BICDL1: variants seen among roughly 807,000 people sequenced by gnomAD.
BICDL1 encodes BICD family like cargo adaptor 1.
In BICDL1, 20 loss-of-function variants were observed where a neutral mutation model predicts 76.8. That is an observed-to-expected ratio of 0.26 (90% CI 0.18 to 0.38). The LOEUF is 0.38. Ranked by LOEUF, BICDL1 falls within the 10% of genes least tolerant of loss-of-function variation. The pLI, the probability that BICDL1 is intolerant of heterozygous loss-of-function variation, is 1.00. For missense variants in BICDL1, 700 were observed against 798.6 expected (o/e 0.88, Z 1.49); for synonymous variants, 383 against 337.1 (o/e 1.14, Z -1.49).
intron 2 of BICDL1, among the ~76,000 whole-genome samples, chr12:120,007,447 G>C (rs1393844559): frequency 6.6e-6 from 1 of 152,110 alleles, no homozygotes; most frequent in East Asian, 1.9e-4. Context: ...AGACAAGAGT[G>C]TCCCCCACCC....
At chr12:120,048,004 C>T (rs1952781733) in intron 2 of BICDL1, among the ~76,000 whole-genome samples, 2 of 152,182 alleles carry the variant, frequency 1.3e-5, no homozygotes, top group South Asian at 4.2e-4. Context: ...AAAAAACAAG[C>T]AAATGACTCC....
intron 2 of BICDL1, among the ~76,000 whole-genome samples, chr12:120,004,101 C>T (rs1951809960): frequency 6.6e-6 from 1 of 152,204 alleles, no homozygotes; most frequent in African/African-American, 2.4e-5. Flanking sequence ...TATATAATTG[C>T]TCACTGTGCA....
At chr12:120,035,422 A>T (rs544152238) in intron 2 of BICDL1, among the ~76,000 whole-genome samples, 3 of 152,224 alleles carry the variant, frequency 2.0e-5, no homozygotes, top group Non-Finnish European at 4.4e-5. Flanking sequence ...ATTTGATCCC[A>T]TGTTAACCCT....
At chr12:120,018,958 T>C (rs1952122339) in intron 2 of BICDL1, 1 of 143,294 alleles carries the variant, frequency 7.0e-6, no homozygotes, top group Admixed American at 7.5e-5. Flanking sequence ...GGCAGGAGAA[T>C]GGCGTGAACC....
chr12:120,001,866 A>G (rs1951766311), intron 2 of BICDL1, among the ~76,000 whole-genome samples: 1 of 152,136 alleles, frequency 6.6e-6, no homozygotes, highest in Admixed American at 6.5e-5. Flanking sequence ...CCTGAACTAT[A>G]CAGTAAGACC....
chr12:120,093,155 A>T lies in BICDL1; in HGVS notation c.1860A>T (p.Lys620Asn). 6.3e-7 allele frequency: 1 copy of T among 1,598,396 alleles called. No individual in the cohort carries two copies. Among genetic ancestry groups the T allele is most frequent in the Non-Finnish European group, 8.5e-7 (1 of 1,172,090 alleles). ...AACGACTCTTCTCATTCTTCAGGAAAATTTAAGTTGGGAGGAGTCAGGCCA... is the reference window on the plus strand; with the variant it reads ...AACGACTCTTCTCATTCTTCAGGAATATTTAAGTTGGGAGGAGTCAGGCCA... ...EGKRLFSFFR[K>N]I The change falls in exon 10 of 10, where the codon AAA becomes AAT. Residue 620 changes from lysine (K) to asparagine (N), a missense_variant. Physicochemically the swap from Lys to Asn is moderately conservative, Grantham distance 94. Coordinates refer to ENST00000548673, the MANE Select transcript of BICDL1 (RefSeq NM_001367886.1).
intron 4 of BICDL1, among the ~76,000 whole-genome samples, chr12:120,065,131 A>G (rs1953192812): frequency 6.6e-6 from 1 of 152,178 alleles, no homozygotes; most frequent in Non-Finnish European, 1.5e-5. Context: ...AGTTTCACAG[A>G]GTTCTCTCTG....
chr12:120,039,958 A>G (rs895244098), intron 2 of BICDL1, among the ~76,000 whole-genome samples: 6 of 152,180 alleles, frequency 3.9e-5, no homozygotes, highest in African/African-American at 1.4e-4. Flanking sequence ...CCAGAACCTT[A>G]TAGTAAGGCA....
At chr12:120,045,732 A>G (rs942183353) in intron 2 of BICDL1, among the ~76,000 whole-genome samples, 1 of 139,156 alleles carries the variant, frequency 7.2e-6, no homozygotes, top group Non-Finnish European at 1.5e-5. Flanking sequence ...GAACACATGG[A>G]CATAGGAAGG....
intron 2 of BICDL1, among the ~76,000 whole-genome samples, chr12:120,007,391 G>A (rs1405969377): frequency 6.6e-6 from 1 of 152,116 alleles, no homozygotes; most frequent in African/African-American, 2.4e-5. Context: ...CTTTCATGAG[G>A]TTGTCACCAA....
intron 2 of BICDL1, among the ~76,000 whole-genome samples, chr12:120,025,315 G>C (rs1002303200): frequency 6.6e-6 from 1 of 152,160 alleles, no homozygotes; most frequent in Non-Finnish European, 1.5e-5. Context: ...CTCCCAAAGT[G>C]CTGGGATTAC....
rs912884172 is a variant in BICDL1, at chr12:120,075,537, C to T, written c.1452+951C>T. Reference sequence around the variant, plus strand: ...CTGCCAAAGTAGCTGGGACTACAGGCGTACGCCACCATGCCCAACTAATTT... The same window carrying T: ...CTGCCAAAGTAGCTGGGACTACAGGTGTACGCCACCATGCCCAACTAATTT... On this transcript the variant is annotated intron_variant, in intron 7 of 9. Coordinates refer to ENST00000548673, the MANE Select transcript of BICDL1 (RefSeq NM_001367886.1). Among the ~76,000 whole-genome samples the T allele has an allele frequency of 2.6e-4, 40 of 152,222 alleles. 1 individual carries two copies. The highest frequency in any genetic ancestry group is 3.4e-3 in the Middle Eastern group (1 of 294).
chr12:120,025,334 A>G lies in BICDL1; in HGVS notation c.645+26598A>G, dbSNP rs138121112. Among the ~76,000 whole-genome samples the G allele has an allele frequency of 7.2e-3, 1,096 of 151,900 alleles. 1 individual carries two copies. Among genetic ancestry groups the G allele is most frequent in the Admixed American group, 8.0e-3 (122 of 15,256 alleles). ...CAAAGTGCTGGGATTACAGGCGTGA[A>G]CCACCGCGCCCGGCCGATATTATAC... On this transcript the variant is annotated intron_variant, in intron 2 of 9. Transcript: ENST00000548673.
rs541846794 is a variant in BICDL1, at chr12:120,087,845, A to T, written c.1584-2106A>T. 3.3e-5 allele frequency among the ~76,000 whole-genome samples: 5 copies of T among 152,320 alleles called. No individual in the cohort carries two copies. In the South Asian group the frequency reaches 8.3e-4, roughly 25 times the overall value. On this transcript the variant is annotated intron_variant, in intron 8 of 9. Transcript: ENST00000548673. ...ATGTGAAAATAAAAAAATGCAAAAT[A>T]ATGTCGGAGGAGTTACCCATCAGTA...
intron 9 of BICDL1, chr12:120,090,631 G>C: frequency 2.8e-6 from 1 of 354,392 alleles, no homozygotes; most frequent in Non-Finnish European, 5.5e-6. Context: ...TTGTTCGTGA[G>C]GTTGAGGTAG....
intron 2 of BICDL1, chr12:120,000,645 C>T (rs1951740707): frequency 6.6e-6 from 1 of 151,978 alleles, no homozygotes; most frequent in Admixed American, 6.6e-5. Flanking sequence ...ATAACATGAG[C>T]TAAAGCAGAC....
chr12:120,086,739 A>C (rs1489087379), intron 8 of BICDL1, among the ~76,000 whole-genome samples: 1 of 152,246 alleles, frequency 6.6e-6, no homozygotes, highest in Non-Finnish European at 1.5e-5. Context: ...AAAACAAGTC[A>C]GTTACTAGTG....
In BICDL1 at chr12:120,013,313, C is replaced by CAAA. The variant is rs202156339; in HGVS notation, c.645+14590_645+14592dup. 7.8e-3 allele frequency among the ~76,000 whole-genome samples: 1,003 copies of CAAA among 128,272 alleles called. 17 individuals carry two copies. The highest frequency in any genetic ancestry group is 0.026 in the African/African-American group (941 of 36,752). 84.2% of individuals were successfully genotyped at this position (128,272 alleles called of 152,430 possible). On this transcript the variant is annotated intron_variant, in intron 2 of 9. Coordinates refer to ENST00000548673, the MANE Select transcript of BICDL1 (RefSeq NM_001367886.1). ...TGGGGGACAGAGCAAGACTCCATCT[C>CAAA]AAAAAAAAAAAAAAATTATAAAGCC...
intron 6 of BICDL1, 55 bp from the exon 7 acceptor site, chr12:120,074,388 C>A: frequency 9.8e-7 from 1 of 1,024,824 alleles, no homozygotes. Flanking sequence ...TCCCCCTTCC[C>A]TATCTCTCCT....
Sources: allele counts gnomAD v4.1 joint callset (sites outside exome capture counted in the v4.1 genomes callset), GRCh38; gene constraint gnomAD v4.1.1; transcripts MANE v1.5; gene names NCBI Gene and HGNC (gene_info 2026-07-23, HGNC 2026-07-21).